FRAS1: variants seen among roughly 807,000 people sequenced by gnomAD.
FRAS1 encodes the protein extracellular matrix organizing protein FRAS1.
FRAS1 carries 290 observed loss-of-function variants against 435.2 expected under a neutral mutation model. The ratio of observed to expected loss-of-function variants is 0.67; its 90% CI spans 0.61 to 0.73. FRAS1 has a LOEUF of 0.73. Ranked by LOEUF, FRAS1 falls within the 30% of genes least tolerant of loss-of-function variation. The probability of loss-of-function intolerance (pLI) is 0.00; values close to 1 mark genes in which losing one functional copy is unlikely to be tolerated. For synonymous variants in FRAS1, 1,800 were observed against 1,851.0 expected, an observed-to-expected ratio of 0.97 and a Z score of 0.71; for missense variants, 4,860 against 5,001.5, an observed-to-expected ratio of 0.97 and a Z score of 0.85.
Position 78,354,669 on chromosome 4 carries a change from C to T in FRAS1, c.2423-8844C>T, listed in dbSNP as rs150214998. Among the ~76,000 whole-genome samples the T allele has an allele frequency of 3.8e-3, 573 of 152,196 alleles. 9 individuals carry two copies. Among genetic ancestry groups the T allele is most frequent in the African/African-American group, 0.013 (542 of 41,524 alleles). ...AGCTACAAGTGCTGATTATTTTGAC[C>T]ACTTCCAAATACACTTAATGTCGTT... On this transcript the variant is annotated intron_variant, in intron 20 of 73. Coordinates refer to ENST00000512123, the MANE Select transcript of FRAS1 (RefSeq NM_025074.7).
At chr4:78,163,616 A>G (rs1721225279) in intron 2 of FRAS1, among the ~76,000 whole-genome samples, 1 of 152,220 alleles carries the variant, frequency 6.6e-6, no homozygotes, top group Non-Finnish European at 1.5e-5. Flanking sequence ...TTAAATTATG[A>G]TAAATGAAAA....
chr4:78,442,064 C>T (rs1246979703), intron 41 of FRAS1, among the ~76,000 whole-genome samples: 1 of 152,230 alleles, frequency 6.6e-6, no homozygotes, highest in African/African-American at 2.4e-5. Context: ...TAGCAGCTCC[C>T]ATGGAGAGTC....
chr4:78,193,662 T>A (rs1046836716), intron 2 of FRAS1, among the ~76,000 whole-genome samples: 1 of 152,204 alleles, frequency 6.6e-6, no homozygotes, highest in Non-Finnish European at 1.5e-5. Flanking sequence ...AGCCTATGTG[T>A]GTCCCTGCAC....
At chr4:78,410,970 T>C (rs1733310461) in intron 31 of FRAS1, among the ~76,000 whole-genome samples, 1 of 152,198 alleles carries the variant, frequency 6.6e-6, no homozygotes, top group South Asian at 2.1e-4. Context: ...CTAACGTAAG[T>C]GGTTAGCAAA....
chr4:78,118,281 A>T (rs2109957860), intron 2 of FRAS1, among the ~76,000 whole-genome samples: 1 of 152,214 alleles, frequency 6.6e-6, no homozygotes, highest in East Asian at 1.9e-4. Flanking sequence ...GGGACCAGGG[A>T]CCCACTTGAG....
intron 2 of FRAS1, among the ~76,000 whole-genome samples, chr4:78,167,597 C>T (rs1721386738): frequency 6.6e-6 from 1 of 151,932 alleles, no homozygotes; most frequent in Non-Finnish European, 1.5e-5. Context: ...TTCAAGTCCT[C>T]AGGTATAATA....
At chr4:78,329,729 A>T (rs553641157) in intron 18 of FRAS1, among the ~76,000 whole-genome samples, 1 of 152,356 alleles carries the variant, frequency 6.6e-6, no homozygotes, top group South Asian at 2.1e-4. Context: ...AAATGGTCAA[A>T]GGACACCTTC....
intron 2 of FRAS1, among the ~76,000 whole-genome samples, chr4:78,210,658 G>T (rs1279940834): frequency 6.6e-6 from 1 of 152,162 alleles, no homozygotes; most frequent in East Asian, 1.9e-4. Flanking sequence ...ATGTGTCATT[G>T]TCCTGCCCTT....
intron 1 of FRAS1, among the ~76,000 whole-genome samples, chr4:78,065,002 A>G (rs928590974): frequency 4.7e-5 from 7 of 149,144 alleles, no homozygotes; most frequent in Non-Finnish European, 1.0e-4. Context: ...TGCAGCTCAA[A>G]AATTGGTTGG....
intron 31 of FRAS1, among the ~76,000 whole-genome samples, chr4:78,410,436 TAAC>T (rs1007175541): frequency 2.9e-5 from 4 of 138,678 alleles, no homozygotes; most frequent in African/African-American, 1.1e-4. Context: ...AAAAATAAAA[TAAC>T]AAAAAATAAT....
chr4:78,376,019 G>GTCCCT, intron 26 of FRAS1, 140 bp downstream of exon 26: 1 of 893,344 alleles, frequency 1.1e-6, no homozygotes, highest in Non-Finnish European at 1.7e-6. Flanking sequence ...CTACTAAGGA[G>GTCCCT]TAAGGGACTC....
chr4:78,290,449 C>T (rs935565094), intron 14 of FRAS1, among the ~76,000 whole-genome samples: 1 of 141,774 alleles, frequency 7.1e-6, no homozygotes, highest in Admixed American at 7.2e-5. Flanking sequence ...TTTTTTCTTT[C>T]TTTCTTTCTT....
intron 2 of FRAS1, among the ~76,000 whole-genome samples, chr4:78,121,767 G>T (rs1197500312): frequency 6.6e-6 from 1 of 152,172 alleles, no homozygotes; most frequent in Admixed American, 6.5e-5. Flanking sequence ...CAGTGCAGAA[G>T]ACTTGGCTGT....
intron 6 of FRAS1, 98 bp from the exon 7 acceptor site, chr4:78,264,927 G>A: frequency 1.4e-6 from 1 of 737,320 alleles, no homozygotes; most frequent in South Asian, 1.5e-5. Context: ...ATAGATGCTT[G>A]GGGGCATGAT....
chr4:78,312,936 G>T (rs542569520), intron 15 of FRAS1, among the ~76,000 whole-genome samples: 1 of 151,990 alleles, frequency 6.6e-6, no homozygotes, highest in Non-Finnish European at 1.5e-5. Context: ...TATTACATTG[G>T]AGTTATAGAT....
chr4:78,520,230 C>T (rs1721344191), intron 67 of FRAS1, among the ~76,000 whole-genome samples: 1 of 150,152 alleles, frequency 6.7e-6, no homozygotes, highest in Admixed American at 6.7e-5. Context: ...TCTCTCCAAT[C>T]GTTCTTGGTT....
In FRAS1 at chr4:78,475,461, G is replaced by A. The variant is rs1367106008; in HGVS notation, c.7706G>A (p.Gly2569Glu). Residue 2569 changes from glycine to glutamate, a missense_variant, in exon 54 of 74, where the codon GGG becomes GAG. Coordinates refer to ENST00000512123, the MANE Select transcript of FRAS1 (RefSeq NM_025074.7). ...YTSYNVSEKA[G>E]SVSVTVQRTG... ...AGCTACAATGTCAGTGAGAAGGCAG[G>A]GTCTGTCAGTGTCACGGTGCAGAGG... The A allele has an allele frequency of 1.9e-6, 3 of 1,613,880 alleles. No homozygotes were observed. The highest frequency in any genetic ancestry group is 2.5e-6 in the Non-Finnish European group (3 of 1,179,828).
intron 4 of FRAS1, among the ~76,000 whole-genome samples, chr4:78,246,506 G>A (rs1020354161): frequency 5.3e-5 from 8 of 152,300 alleles, no homozygotes; most frequent in South Asian, 2.1e-4. Context: ...TTCAGACCAC[G>A]TATCACTATG....
intron 60 of FRAS1, among the ~76,000 whole-genome samples, chr4:78,497,234 A>T (rs556201452): frequency 5.3e-5 from 8 of 152,308 alleles, no homozygotes; most frequent in Admixed American, 2.0e-4. Context: ...GCTAAGACAG[A>T]GAATAAAAGC....
Sources: allele counts gnomAD v4.1 joint callset (sites outside exome capture counted in the v4.1 genomes callset), GRCh38; gene constraint gnomAD v4.1.1; transcripts MANE v1.5; gene names NCBI Gene and HGNC (gene_info 2026-07-23, HGNC 2026-07-21).